MAPK10: variants seen among roughly 807,000 people sequenced by gnomAD.
The protein encoded by MAPK10 is mitogen-activated protein kinase 10.
Under a neutral mutation model 59.3 loss-of-function variants are expected in MAPK10, and 25 were observed. The observed-to-expected ratio is 0.42, with a 90% CI of 0.31 to 0.59. The LOEUF (loss-of-function observed/expected upper bound fraction) is 0.59, where lower values mean the gene tolerates loss of function less well. Among genes scored for constraint, MAPK10 ranks in the 20% least tolerant of loss-of-function variants. The probability of loss-of-function intolerance (pLI) is 0.15; values close to 1 mark genes in which losing one functional copy is unlikely to be tolerated. For missense variants in MAPK10, 351 were observed against 568.9 expected (o/e 0.62, Z 3.90); for synonymous variants, 190 against 200.5 (o/e 0.95, Z 0.44).
intron 1 of MAPK10, among the ~76,000 whole-genome samples, chr4:86,550,384 A>AC (rs1353474469): frequency 5.4e-5 from 3 of 55,534 alleles, no homozygotes; most frequent in Admixed American, 2.5e-4. Flanking sequence ...TAAAAAAAAA[A>AC]AAAAAAAAAA....
At chr4:86,338,779 T>C (rs904162782) in intron 2 of MAPK10, among the ~76,000 whole-genome samples, 1 of 152,192 alleles carries the variant, frequency 6.6e-6, no homozygotes, top group African/African-American at 2.4e-5. Flanking sequence ...GAGTTTATTT[T>C]GTTATTTCAG....
upstream of MAPK10, among the ~76,000 whole-genome samples, chr4:86,362,796 C>T (rs1737220272): frequency 6.6e-6 from 1 of 152,104 alleles, no homozygotes; most frequent in Non-Finnish European, 1.5e-5. Context: ...AACATCATCA[C>T]ATATTGACAA....
chr4:86,107,361 A>C lies in MAPK10; in HGVS notation c.237-9T>G. The C allele has an allele frequency of 6.2e-7, 1 of 1,601,140 alleles. No homozygotes were observed. On this transcript the variant is annotated splice_polypyrimidine_tract_variant and intron_variant, in intron 4 of 13. Transcript: ENST00000641462. ...CAGCATCATACGCGGCACTGTAGAGATCCAAGAGCAACTCAGAATTAAGAA... is the reference window on the plus strand; with the variant it reads ...CAGCATCATACGCGGCACTGTAGAGCTCCAAGAGCAACTCAGAATTAAGAA...
chr4:86,522,732 A>G lies in MAPK10; in HGVS notation c.-263+71178T>C, dbSNP rs72868878. On this transcript the variant is annotated intron_variant, in intron 1 of 4. Transcript: ENST00000502302. The stretch of plus-strand genomic sequence containing the variant: ...ACAGATAGGAGGAGTGATCTGTGTG[A>G]GAAGCTACACATAGATCCTCTTTTT... 1.3e-3 allele frequency among the ~76,000 whole-genome samples: 200 copies of G among 152,300 alleles called. 1 individual carries two copies. The highest frequency in any genetic ancestry group is 4.6e-3 in the African/African-American group (193 of 41,556).
Position 86,173,153 on chromosome 4 carries a change from G to A in MAPK10, c.67-13686C>T, listed in dbSNP as rs913332640. On this transcript the variant is annotated intron_variant, in intron 3 of 13. Transcript: ENST00000641462. ...TTCATATGAAACCAAAAAAGAACCC[G>A]TATAGCCAATACAATCCTAAGCAAA... Among the ~76,000 whole-genome samples the A allele has an allele frequency of 3.3e-5, 5 of 152,052 alleles. No individual in the cohort carries two copies. In the East Asian group the frequency reaches 5.8e-4, roughly 18 times the overall value.
intron 1 of MAPK10, 82 bp downstream of exon 1, chr4:86,359,576 C>A: frequency 1.7e-6 from 1 of 604,482 alleles, no homozygotes; most frequent in Non-Finnish European, 2.1e-6. Flanking sequence ...CTCCCTCTCC[C>A]GCCCCACCAG....
intron 1 of MAPK10, among the ~76,000 whole-genome samples, chr4:86,547,049 C>G (rs762314093): frequency 6.6e-6 from 1 of 152,078 alleles, no homozygotes; most frequent in East Asian, 1.9e-4. Context: ...GAGACTCCGT[C>G]TAAAAACAAA....
At chr4:86,400,836 T>C (rs1028249893) in intron 1 of MAPK10, among the ~76,000 whole-genome samples, 11 of 152,156 alleles carry the variant, frequency 7.2e-5, no homozygotes, top group Non-Finnish European at 1.5e-4. Flanking sequence ...ACTGATAAAA[T>C]ATAATTATTC....
intron 1 of MAPK10, among the ~76,000 whole-genome samples, chr4:86,582,276 A>C (rs1762363735): frequency 6.6e-6 from 1 of 151,620 alleles, no homozygotes; most frequent in Admixed American, 6.6e-5. Context: ...AAATTTGCTA[A>C]TACGTTTTTG....
intron 2 of MAPK10, among the ~76,000 whole-genome samples, chr4:86,277,627 G>C (rs1328018619): frequency 6.6e-6 from 1 of 152,078 alleles, no homozygotes; most frequent in African/African-American, 2.4e-5. Context: ...TAAGTGTTAA[G>C]TTATATTTGC....
chr4:86,423,024 T>A (rs1201631614), intron 1 of MAPK10, among the ~76,000 whole-genome samples: 29 of 152,222 alleles, frequency 1.9e-4, no homozygotes, highest in Admixed American at 1.9e-3. Context: ...ACATTAATTC[T>A]CTCCTTTCCT....
intron 1 of MAPK10, among the ~76,000 whole-genome samples, chr4:86,538,599 T>G (rs1758435065): frequency 6.6e-6 from 1 of 152,202 alleles, no homozygotes; most frequent in African/African-American, 2.4e-5. Context: ...CATAGAACCT[T>G]TTTAGACTTT....
At chr4:86,146,239 G>T (rs2064979168) in intron 4 of MAPK10, among the ~76,000 whole-genome samples, 1 of 152,214 alleles carries the variant, frequency 6.6e-6, no homozygotes, top group Non-Finnish European at 1.5e-5. Flanking sequence ...AACTATGTTA[G>T]AGTTAGAAAT....
intron 2 of MAPK10, among the ~76,000 whole-genome samples, chr4:86,299,833 T>C (rs1315505135): frequency 6.6e-6 from 1 of 152,186 alleles, no homozygotes; most frequent in Non-Finnish European, 1.5e-5. Context: ...AACTAGAATA[T>C]TATATGGTAA....
intron 1 of MAPK10, among the ~76,000 whole-genome samples, chr4:86,462,064 CT>C (rs1409451291): frequency 6.6e-6 from 1 of 152,214 alleles, no homozygotes; most frequent in African/African-American, 2.4e-5. Context: ...TCCCTCACCC[CT>C]ATACAATATT....
chr4:86,340,776 T>A (rs1307366122), intron 2 of MAPK10, among the ~76,000 whole-genome samples: 1 of 152,190 alleles, frequency 6.6e-6, no homozygotes, highest in Non-Finnish European at 1.5e-5. Context: ...TCTGCTATGT[T>A]CATCTAAACA....
intron 2 of MAPK10, among the ~76,000 whole-genome samples, chr4:86,287,519 A>G (rs1215025049): frequency 6.6e-6 from 1 of 152,222 alleles, no homozygotes; most frequent in Non-Finnish European, 1.5e-5. Flanking sequence ...AGAAATAGTC[A>G]TGAGTAATGC....
At chr4:86,086,083 G>C (rs34756998) in intron 9 of MAPK10, among the ~76,000 whole-genome samples, 2 of 152,052 alleles carry the variant, frequency 1.3e-5, no homozygotes, top group Non-Finnish European at 2.9e-5. Flanking sequence ...TTAATACCTA[G>C]GTAATGGGTG....
intron 2 of MAPK10, among the ~76,000 whole-genome samples, chr4:86,215,563 T>A (rs10034589): frequency 0.9 from 137,448 of 152,102 alleles, 62,395 homozygotes; most frequent in East Asian, 1. Context: ...ATAATTTTTT[T>A]AAAAAATATT....
Sources: gnomAD v4.1 joint callset for allele counts (sites outside exome capture counted in the v4.1 genomes callset) on GRCh38, gnomAD v4.1.1 for gene constraint, MANE v1.5 for transcripts, NCBI Gene and HGNC (gene_info 2026-07-23, HGNC 2026-07-21) for gene names.